The following KMT2E variants were observed in gnomAD, a reference collection of about 807,000 sequenced individuals.
KMT2E encodes the protein histone reader KMT2E.
KMT2E carries 30 observed loss-of-function variants against 184.6 expected under a neutral mutation model. That is an observed-to-expected ratio of 0.16 (90% confidence interval 0.12 to 0.22). The LOEUF is 0.22. KMT2E is among the 10% of genes least tolerant of loss of function. The pLI is 1.00. For synonymous variants in KMT2E, 815 were observed against 776.5 expected, an observed-to-expected ratio of 1.05 and a Z score of -0.82; for missense variants, 2,023 against 2,237.4, an observed-to-expected ratio of 0.90 and a Z score of 1.93.
chr7:105,014,709 C>A (rs906162192), intron 1 of KMT2E, among the ~76,000 whole-genome samples, 174 bp downstream of exon 1: 1 of 152,108 alleles, frequency 6.6e-6, no homozygotes, highest in Non-Finnish European at 1.5e-5. Flanking sequence ...TTTATTCTTT[C>A]TTCTCCCTGA....
At chr7:105,014,768 A>G (rs1051500206) in intron 1 of KMT2E, among the ~76,000 whole-genome samples, 17 of 151,852 alleles carry the variant, frequency 1.1e-4, no homozygotes, top group Non-Finnish European at 2.1e-4. Flanking sequence ...GAAAGGGGTA[A>G]CTGGCAGTTA....
At chr7:105,067,835 G>A (rs1797099264) in intron 6 of KMT2E, among the ~76,000 whole-genome samples, 1 of 152,022 alleles carries the variant, frequency 6.6e-6, no homozygotes, top group Admixed American at 6.6e-5. Context: ...AGCCAGGCGT[G>A]GTGTCACACA....
chr7:105,066,950 G>A (rs1255513261), intron 6 of KMT2E, 143 bp downstream of exon 6: 3 of 595,482 alleles, frequency 5.0e-6, no homozygotes, highest in African/African-American at 1.8e-5. Flanking sequence ...CCAACTACTT[G>A]GGAGGCTGAG....
chr7:105,083,933 C>G (rs1022601453), intron 13 of KMT2E, among the ~76,000 whole-genome samples: 1 of 152,026 alleles, frequency 6.6e-6, no homozygotes. Context: ...TTTCATATTC[C>G]TTTTGTTTTA....
chr7:105,076,887 T>TGA, intron 9 of KMT2E, 76 bp from the exon 10 acceptor site: 1 of 667,450 alleles, frequency 1.5e-6, no homozygotes. Flanking sequence ...TGTGTGTGTG[T>TGA]GTGTGTGTGT....
At chr7:105,096,247 CAAAA>C (rs11330758) in intron 15 of KMT2E, among the ~76,000 whole-genome samples, 278 of 69,264 alleles carry the variant, frequency 4.0e-3, no homozygotes, top group African/African-American at 0.015. Flanking sequence ...GTGAAAGGCT[CAAAA>C]AAAAAAAAAA....
At chr7:105,102,490 G>T in intron 17 of KMT2E, 1 of 205,934 alleles carries the variant, frequency 4.9e-6, no homozygotes, top group Non-Finnish European at 9.6e-6. Flanking sequence ...TCTGAAACTG[G>T]TTTTAGATGT....
At chr7:105,091,340 G>A in intron 15 of KMT2E, 26 bp downstream of exon 15, 1 of 1,285,888 alleles carries the variant, frequency 7.8e-7, no homozygotes, top group Non-Finnish European at 1.1e-6. Context: ...AGTAGTTTGG[G>A]CTTAGTGACA....
At chr7:105,037,813 ATTG>A (rs1484309723) in intron 1 of KMT2E, among the ~76,000 whole-genome samples, 2 of 151,610 alleles carry the variant, frequency 1.3e-5, no homozygotes, top group Non-Finnish European at 2.9e-5. Context: ...TTGTTTTGGT[ATTG>A]TTGCCTTTGC....
chr7:105,113,322 G>A lies in KMT2E; in HGVS notation c.5566G>A (p.Gly1856Arg), dbSNP rs1480301543. The change falls in exon 27 of 27, where the codon GGG becomes AGG. Residue 1856 changes from glycine to arginine, a missense_variant. By Grantham distance (125) the Gly-to-Arg change is moderately radical. Transcript: ENST00000311117. ...PTFQNNYHGS[G>R]WH ...ATTTCAAAACAATTACCATGGGTCAGGGTGGCATTAAAATGGACTCCAAAA... is the reference window on the plus strand; with the variant it reads ...ATTTCAAAACAATTACCATGGGTCAAGGTGGCATTAAAATGGACTCCAAAA... 6.2e-7 allele frequency: 1 copy of A among 1,605,148 alleles called. No individual in the cohort carries two copies. The highest frequency in any genetic ancestry group is 8.5e-7 in the Non-Finnish European group (1 of 1,173,306).
Position 105,105,576 on chromosome 7 carries a change from T to C in KMT2E, c.2334T>C (p.Thr778=), listed in dbSNP as rs1562930396. The part of the protein sequence containing the change: ...ATQLNSLPGL[T]YSPHVYSTPK... ...AACTCAATTCTTTACCAGGTCTCAC[T>C]TACAGCCCCCATGTATACTCCACTC... Residue 778 remains threonine, a synonymous_variant, in exon 18 of 27, where the codon ACT becomes ACC. Transcript: ENST00000311117. 6.2e-7 allele frequency: 1 copy of C among 1,614,094 alleles called. No homozygotes were observed. Among genetic ancestry groups the C allele is most frequent in the Non-Finnish European group, 8.5e-7 (1 of 1,179,954 alleles).
intron 1 of KMT2E, among the ~76,000 whole-genome samples, chr7:105,026,030 CA>C (rs1436103058): frequency 6.6e-6 from 1 of 152,196 alleles, no homozygotes; most frequent in Admixed American, 6.5e-5. Context: ...GAGCTATACT[CA>C]AAGAATACAT....
chr7:105,106,035 G>T, intron 19 of KMT2E, 32 bp downstream of exon 19: 3 of 1,591,086 alleles, frequency 1.9e-6, no homozygotes, highest in Non-Finnish European at 2.6e-6. Flanking sequence ...TTTGGTTTGA[G>T]AAATGTGGCA....
At chr7:105,064,166 T>TTTTTTG (rs1796936628) in intron 5 of KMT2E, 1 of 94,714 alleles carries the variant, frequency 1.1e-5, no homozygotes, top group Non-Finnish European at 1.9e-5. Context: ...TTTTCTTGGT[T>TTTTTTG]TTTTTTTTTT....
At chr7:105,053,712 C>CA (rs934840242) in intron 3 of KMT2E, among the ~76,000 whole-genome samples, 14 of 151,880 alleles carry the variant, frequency 9.2e-5, no homozygotes, top group Non-Finnish European at 1.5e-5. Context: ...CTGCTGTCTA[C>CA]AAAAATTTTT....
At chr7:105,082,334 C>G (rs1797788815) in intron 13 of KMT2E, among the ~76,000 whole-genome samples, 1 of 152,170 alleles carries the variant, frequency 6.6e-6, no homozygotes, top group Admixed American at 6.6e-5. Context: ...ACTGCCTGCA[C>G]AGTCCACAAT....
chr7:105,080,808 C>A (rs559131827), intron 12 of KMT2E, among the ~76,000 whole-genome samples: 1 of 151,706 alleles, frequency 6.6e-6, no homozygotes, highest in East Asian at 2.0e-4. Flanking sequence ...GTCAGGAGTT[C>A]AAGACCAGCC....
intron 1 of KMT2E, among the ~76,000 whole-genome samples, chr7:105,023,658 G>A (rs1242023979): frequency 6.6e-6 from 1 of 152,056 alleles, no homozygotes; most frequent in Admixed American, 6.5e-5. Context: ...TGTTAGGCAA[G>A]ATGGTCTGGA....
intron 1 of KMT2E, among the ~76,000 whole-genome samples, chr7:105,031,952 C>T (rs918259551): frequency 2.7e-5 from 4 of 150,000 alleles, no homozygotes; most frequent in Non-Finnish European, 5.9e-5. Context: ...CCTGTAGTCC[C>T]GGCTACTTAG....
Sources: allele counts gnomAD v4.1 joint callset (sites outside exome capture counted in the v4.1 genomes callset), GRCh38; gene constraint gnomAD v4.1.1; transcripts MANE v1.5; gene names NCBI Gene and HGNC (gene_info 2026-07-23, HGNC 2026-07-21).